Variants in NCKAP5 observed in about 807,000 individuals in gnomAD.
The protein encoded by NCKAP5 is NCK associated protein 5, also known as nck-associated protein 5.
Under a neutral mutation model 167.0 loss-of-function variants are expected in NCKAP5, and 92 were observed. The observed-to-expected ratio is 0.55, with a 90% CI of 0.47 to 0.66. The LOEUF (loss-of-function observed/expected upper bound fraction) is 0.66, where lower values mean the gene tolerates loss of function less well. NCKAP5 is among the 30% of genes least tolerant of loss of function. The probability of loss-of-function intolerance (pLI) is 0.00; values close to 1 mark genes in which losing one functional copy is unlikely to be tolerated. For synonymous variants in NCKAP5, 891 were observed against 877.4 expected (o/e 1.02, Z -0.27); for missense variants, 2,378 against 2,315.0 (o/e 1.03, Z -0.56).
intron 4 of NCKAP5, among the ~76,000 whole-genome samples, chr2:133,265,562 G>C (rs771905083): frequency 2.0e-5 from 3 of 152,210 alleles, no homozygotes; most frequent in Non-Finnish European, 2.9e-5. Flanking sequence ...CTGAGCTTTA[G>C]GCACAGGCAG....
At position 132,963,795 on chromosome 2, in the gene NCKAP5, C is replaced by G. The variant is rs369574096; in HGVS notation, c.504G>C (p.Ser168=). The G allele has an allele frequency of 1.2e-6, 2 of 1,613,934 alleles. No individual in the cohort carries two copies. Among genetic ancestry groups the G allele is most frequent in the Admixed American group, 1.7e-5 (1 of 60,008 alleles). The part of the protein sequence containing the change: ...EDLHMVVDED[S]RSESSSTDEG... ...CATCTGTACTGCTGCTTTCACTCCT[C>G]GAATCCTCATCAACCACCATGTGAA... Residue 168 remains serine (S), a synonymous_variant, in exon 8 of 20, where the codon TCG becomes TCC. Transcript: ENST00000409261.
At chr2:132,969,665 G>T (rs777570912) in intron 7 of NCKAP5, among the ~76,000 whole-genome samples, 4 of 152,076 alleles carry the variant, frequency 2.6e-5, no homozygotes, top group Non-Finnish European at 5.9e-5. Flanking sequence ...CTCTGACACA[G>T]ATCCTTGCAG....
chr2:133,592,059 T>TACAC, the NCKAP5 span, among the ~76,000 whole-genome samples: 6,642 of 150,608 alleles, frequency 0.044, 175 homozygotes, highest in Non-Finnish European at 0.063. Flanking sequence ...AGGATCATTC[T>TACAC]ACACACACAC....
rs574890492 is a variant in NCKAP5, at chr2:133,545,844, A to G, written c.-62+13206T>C. Among the ~76,000 whole-genome samples the G allele has an allele frequency of 2.0e-5, 3 of 152,334 alleles. No individual in the cohort carries two copies. The South Asian group carries it at 6.2e-4, about 32-fold the overall frequency. ...ACATAATGGCTTAAGCATAATCCCA[A>G]TGACATTGGAGAAAATGATACACAA... On this transcript the variant is annotated intron_variant, in intron 2 of 19. Transcript: ENST00000409261.
intron 11 of NCKAP5, among the ~76,000 whole-genome samples, chr2:132,831,728 C>A (rs1209342974): frequency 4.0e-5 from 6 of 151,700 alleles, no homozygotes. Flanking sequence ...GGTTAATTGG[C>A]TTGGTTTTGT....
chr2:132,782,400 T>C lies in NCKAP5; in HGVS notation c.4411A>G (p.Thr1471Ala). The C allele has an allele frequency of 6.2e-7, 1 of 1,614,042 alleles. No individual in the cohort carries two copies. The highest frequency in any genetic ancestry group is 8.5e-7 in the Non-Finnish European group (1 of 1,179,908). ...AVSSEAPLSP[T>A]IEEKVMLCIQ... is the part of the protein sequence containing the mutation. ...CACAACATGACCTTTTCTTCGATTG[T>C]GGGTGAGAGGGGGGCTTCTGAACTC... Residue 1471 changes from threonine (T) to alanine (A), a missense_variant, in exon 14 of 20, where the codon ACA becomes GCA. Thr to Ala is a moderately conservative substitution (Grantham distance 58, BLOSUM62 0). Around this residue, in one of 3 missense-constraint regions of NCKAP5, gnomAD observed 1,325 missense variants for 1,274.5 expected, o/e 1.04. Coordinates refer to ENST00000409261, the MANE Select transcript of NCKAP5 (RefSeq NM_207363.3).
intron 4 of NCKAP5, among the ~76,000 whole-genome samples, chr2:133,251,793 G>C (rs1398193003): frequency 6.6e-6 from 1 of 152,096 alleles, no homozygotes; most frequent in Non-Finnish European, 1.5e-5. Context: ...AGACTGTAAA[G>C]AAACATGAAC....
chr2:133,442,264 T>G (rs1690906392), intron 3 of NCKAP5, among the ~76,000 whole-genome samples: 1 of 152,144 alleles, frequency 6.6e-6, no homozygotes, highest in South Asian at 2.1e-4. Context: ...TTGGGCTGAA[T>G]TAATGACTCT....
intron 5 of NCKAP5, among the ~76,000 whole-genome samples, chr2:133,144,379 G>A (rs529104582): frequency 2.0e-5 from 3 of 152,068 alleles, no homozygotes; most frequent in Non-Finnish European, 4.4e-5. Context: ...ATAGTTTGTG[G>A]ACTCCTAGTC....
chr2:133,479,592 A>G (rs1680244100), intron 3 of NCKAP5, among the ~76,000 whole-genome samples: 1 of 152,252 alleles, frequency 6.6e-6, no homozygotes, highest in African/African-American at 2.4e-5. Context: ...TGCATGTAAC[A>G]AAATATCACA....
chr2:133,439,706 A>T (rs891705155), intron 3 of NCKAP5, among the ~76,000 whole-genome samples: 2 of 152,198 alleles, frequency 1.3e-5, no homozygotes, highest in African/African-American at 4.8e-5. Context: ...CTTGTCAATG[A>T]TGAGTCAGTA....
chr2:133,090,681 G>A (rs573130660), intron 6 of NCKAP5, among the ~76,000 whole-genome samples: 1 of 152,138 alleles, frequency 6.6e-6, no homozygotes, highest in Non-Finnish European at 1.5e-5. Context: ...GAATACAGCA[G>A]ATGAGTTAGA....
Position 132,888,746 on chromosome 2 carries a change from C to T in NCKAP5, c.580-9830G>A, listed in dbSNP as rs533619735. Among the ~76,000 whole-genome samples, 389 of 152,338 alleles carry T rather than the reference C, an allele frequency of 2.6e-3. 2 individuals carry two copies. The highest frequency in any genetic ancestry group is 0.015 in the South Asian group (73 of 4,826). On this transcript the variant is annotated intron_variant, in intron 8 of 19. Transcript: ENST00000409261. Reference sequence around the variant, plus strand: ...ATATACACCATCTGACACATTCTGACAACTGACAAAATATTTAAAGCTTGT... The same window carrying T: ...ATATACACCATCTGACACATTCTGATAACTGACAAAATATTTAAAGCTTGT...
At chr2:133,654,117 C>T in the NCKAP5 span, among the ~76,000 whole-genome samples, 6 of 152,124 alleles carry the variant, frequency 3.9e-5, no homozygotes, top group Non-Finnish European at 1.5e-5. Context: ...GGCGCGCTGG[C>T]TCACATCTGT....
At chr2:133,319,154 C>CT (rs111855340) in intron 3 of NCKAP5, among the ~76,000 whole-genome samples, 124 of 149,690 alleles carry the variant, frequency 8.3e-4, no homozygotes, top group African/African-American at 2.7e-3. Context: ...CCCCTCCCCC[C>CT]CCGCCCCCTT....
intron 6 of NCKAP5, among the ~76,000 whole-genome samples, chr2:133,115,822 T>TCACA (rs141741244): frequency 2.4e-4 from 30 of 122,946 alleles, no homozygotes; most frequent in Admixed American, 1.0e-3. Context: ...TATATAGTGT[T>TCACA]CACACACACA....
intron 3 of NCKAP5, among the ~76,000 whole-genome samples, chr2:133,465,062 G>T (rs1432687046): frequency 6.6e-6 from 1 of 151,492 alleles, no homozygotes; most frequent in Admixed American, 6.6e-5. Flanking sequence ...CATTGTGCAG[G>T]TTAGTTACAT....
At chr2:133,300,184 A>C (rs1680280334) in intron 4 of NCKAP5, among the ~76,000 whole-genome samples, 2 of 120,056 alleles carry the variant, frequency 1.7e-5, no homozygotes, top group Admixed American at 1.7e-4. Context: ...TTCACAGCCG[A>C]ATTCTACCAG....
chr2:133,623,551 G>A, the NCKAP5 span, among the ~76,000 whole-genome samples: 2 of 151,690 alleles, frequency 1.3e-5, no homozygotes, highest in South Asian at 4.2e-4. Flanking sequence ...ATGGAAAAAT[G>A]TTCAACACCA....
Sources: gnomAD v4.1 joint callset for allele counts (sites outside exome capture counted in the v4.1 genomes callset) on GRCh38, gnomAD v4.1.1 for gene constraint, gnomAD v4.1.1 regional missense constraint, MANE v1.5 for transcripts, NCBI Gene and HGNC (gene_info 2026-07-23, HGNC 2026-07-21) for gene names.